LRRC75A: variants seen among roughly 807,000 people sequenced by gnomAD.
LRRC75A encodes leucine-rich repeat-containing protein 75A.
LRRC75A carries 12 observed loss-of-function variants against 26.0 expected under a neutral mutation model. That is an observed-to-expected ratio of 0.46 (90% CI 0.30 to 0.75). LRRC75A has a LOEUF of 0.75. LRRC75A is among the 30% of genes least tolerant of loss of function. The probability of loss-of-function intolerance (pLI) is 0.08; values close to 1 mark genes in which losing one functional copy is unlikely to be tolerated. For missense variants in LRRC75A, 410 were observed against 486.6 expected (o/e 0.84, Z 1.48); for synonymous variants, 223 against 219.3 (o/e 1.02, Z -0.15).
rs200369207 is a variant in LRRC75A, at chr17:16,450,440, G to GC, written c.376-2481dup. ...CAGTTCACAGCCCATCCCCACCCCT[G>GC]CCCCCAGCTTCCTGGTGCCTGGCTG... On this transcript the variant is annotated intron_variant, in intron 2 of 3. Coordinates refer to ENST00000470794, the MANE Select transcript of LRRC75A (RefSeq NM_001113567.3). Among the ~76,000 whole-genome samples, 1,011 of 152,028 alleles carry GC rather than the reference G, an allele frequency of 6.7e-3. 10 individuals are homozygous for GC. The highest frequency in any genetic ancestry group is 0.023 in the African/African-American group (954 of 41,478).
At chr17:16,476,442 C>T (rs893879752) in intron 1 of LRRC75A, among the ~76,000 whole-genome samples, 5 of 151,832 alleles carry the variant, frequency 3.3e-5, no homozygotes. Context: ...GAACTCCTGG[C>T]ATCAAGCAAT....
In LRRC75A at chr17:16,491,892, C is replaced by A; in HGVS notation, c.99G>T (p.Leu33=). The A allele has an allele frequency of 7.5e-7, 1 of 1,325,786 alleles. No homozygotes were observed. Among genetic ancestry groups the A allele is most frequent in the Non-Finnish European group, 9.6e-7 (1 of 1,037,840 alleles). 82.1% of individuals were successfully genotyped at this position (1,325,786 alleles called of 1,614,324 possible). A position where few individuals can be genotyped will look rare whatever the true frequency, so the allele number is the denominator to read the frequency against. Residue 33 remains leucine (L), a synonymous_variant, in exon 1 of 4, where the codon CTG becomes CTT. Coordinates refer to ENST00000470794, the MANE Select transcript of LRRC75A (RefSeq NM_001113567.3). This position sits in a 1 kb window ranked among gnomAD's most constrained non-coding sequence, Gnocchi z 5.9. The stretch of plus-strand genomic sequence containing the variant: ...CCGCCTTGTCCCCGGCGCGCAGCAG[C>A]AGCGACGCCCAGAAGTCCGGCCGTT... The part of the protein sequence containing the change: ...RRERPDFWAS[L]LLRAGDKAGR...
chr17:16,472,181 C>T (rs1009154026), intron 1 of LRRC75A, among the ~76,000 whole-genome samples: 2 of 152,078 alleles, frequency 1.3e-5, no homozygotes, highest in African/African-American at 4.8e-5. Flanking sequence ...TTCTGGACCA[C>T]AAGGAAGGTG....
intron 1 of LRRC75A, among the ~76,000 whole-genome samples, chr17:16,465,115 C>G (rs1301325018): frequency 6.6e-6 from 1 of 152,206 alleles, no homozygotes; most frequent in African/African-American, 2.4e-5. Context: ...CTTTTACACT[C>G]GGTCGAGCAG....
chr17:16,487,584 G>A (rs2143450212), intron 1 of LRRC75A, among the ~76,000 whole-genome samples: 1 of 152,302 alleles, frequency 6.6e-6, no homozygotes, highest in East Asian at 1.9e-4. Flanking sequence ...GACTACAGGT[G>A]CACACTACCA....
Position 16,447,842 on chromosome 17 carries a change from C to G in LRRC75A, c.491+3G>C. On this transcript the variant is annotated splice_donor_region_variant and intron_variant, in intron 3 of 3. Coordinates refer to ENST00000470794, the MANE Select transcript of LRRC75A (RefSeq NM_001113567.3). The stretch of plus-strand genomic sequence containing the variant: ...TAGACCTGCCCGGGGGAGTGTAACT[C>G]ACCAGGCCTGTGGCTTCCTTTTCAC... 1 of 1,540,302 alleles carries G rather than the reference C, an allele frequency of 6.5e-7. No homozygotes were observed. Among genetic ancestry groups the G allele is most frequent in the Non-Finnish European group, 8.8e-7 (1 of 1,141,094 alleles).
intron 2 of LRRC75A, among the ~76,000 whole-genome samples, chr17:16,452,023 A>C (rs2093636062): frequency 6.8e-6 from 1 of 147,890 alleles, no homozygotes. Context: ...GGCGTTAGCC[A>C]CCGCGCCCGG....
In LRRC75A at chr17:16,445,980, C is replaced by T. The variant is rs148625517; in HGVS notation, c.492-1849G>A. On this transcript the variant is annotated intron_variant, in intron 3 of 3. Coordinates refer to ENST00000470794, the MANE Select transcript of LRRC75A (RefSeq NM_001113567.3). Reference sequence around the variant, plus strand: ...CTGGAGTGCAGTGGCATGATCTTGGCTCACTGCAACTTCCGCCTCCCAGGT... The same window carrying T: ...CTGGAGTGCAGTGGCATGATCTTGGTTCACTGCAACTTCCGCCTCCCAGGT... Among the ~76,000 whole-genome samples the T allele has an allele frequency of 6.3e-3, 957 of 152,338 alleles. 8 individuals carry two copies. The highest frequency in any genetic ancestry group is 0.022 in the African/African-American group (914 of 41,562).
chr17:16,476,448 G>A (rs1006941100), intron 1 of LRRC75A, among the ~76,000 whole-genome samples: 1 of 151,916 alleles, frequency 6.6e-6, no homozygotes, highest in East Asian at 1.9e-4. Context: ...CTGGCATCAA[G>A]CAATCCTCCC....
Position 16,443,832 on chromosome 17 carries a change from G to A in LRRC75A, c.791C>T (p.Thr264Met), listed in dbSNP as rs747097406. ...CACGTTGTTGCCCAGGTCAATCCAC[G>A]TGACATTGGGGAACTTGCTGGGATC... ...LKDPSKFPNVTWIDLGNNVDI... is the reference protein window; with the variant it reads ...LKDPSKFPNVMWIDLGNNVDI... The change falls in exon 4 of 4, where the codon ACG becomes ATG. Residue 264 changes from threonine to methionine, a missense_variant. Coordinates refer to ENST00000470794, the MANE Select transcript of LRRC75A (RefSeq NM_001113567.3). 3.5e-5 allele frequency: 56 copies of A among 1,613,910 alleles called. No individual in the cohort carries two copies. The highest frequency in any genetic ancestry group is 4.1e-5 in the Non-Finnish European group (48 of 1,179,894).
At chr17:16,457,105 C>A (rs1366974761) in intron 2 of LRRC75A, among the ~76,000 whole-genome samples, 1 of 131,998 alleles carries the variant, frequency 7.6e-6, no homozygotes. Context: ...CTCTGGCTCT[C>A]AGCCATCAGG....
At chr17:16,458,939 T>C (rs903214807) in intron 2 of LRRC75A, among the ~76,000 whole-genome samples, 13 of 152,240 alleles carry the variant, frequency 8.5e-5, no homozygotes, top group African/African-American at 2.9e-4. Context: ...TAGTTTGCTA[T>C]ATGGCAATGG....
chr17:16,478,921 T>A (rs1359066744), intron 1 of LRRC75A, among the ~76,000 whole-genome samples: 3 of 152,200 alleles, frequency 2.0e-5, no homozygotes, highest in South Asian at 2.1e-4. Flanking sequence ...CTGGAGTGAC[T>A]AAGCCTGAAG....
chr17:16,457,478 G>C (rs1340004220), intron 2 of LRRC75A, among the ~76,000 whole-genome samples: 1 of 152,192 alleles, frequency 6.6e-6, no homozygotes, highest in Non-Finnish European at 1.5e-5. Context: ...ACGGATGGGG[G>C]AGTTTATTCT....
chr17:16,465,850 AG>A (rs1435838937), intron 1 of LRRC75A, among the ~76,000 whole-genome samples: 1 of 152,152 alleles, frequency 6.6e-6, no homozygotes, highest in African/African-American at 2.4e-5. Context: ...GGAGGGGAAA[AG>A]GAGTGTAGAG....
intron 1 of LRRC75A, among the ~76,000 whole-genome samples, chr17:16,465,938 C>T (rs1255876471): frequency 1.3e-5 from 2 of 152,208 alleles, no homozygotes; most frequent in African/African-American, 2.4e-5. Flanking sequence ...AACACCGGCC[C>T]GCCCTGTGAA....
At chr17:16,476,364 T>C (rs1166427869) in intron 1 of LRRC75A, among the ~76,000 whole-genome samples, 2 of 151,160 alleles carry the variant, frequency 1.3e-5, no homozygotes, top group South Asian at 2.1e-4. Flanking sequence ...TGAGACTCTG[T>C]CTCAAAAAAA....
chr17:16,456,084 AGGAGGAGGAGGAAGGGGAGGG>A lies in LRRC75A; in HGVS notation c.375+6153_375+6173del, dbSNP rs564109595. ...GAGAAGGAGGAAGAGGAAGAGGGAG[AGGAGGAGGAGGAAGGGGAGGG>A]GGAGGAGGAGGAGTAGCAGTAGTAG... On this transcript the variant is annotated intron_variant, in intron 2 of 3. Transcript: ENST00000470794. Among the ~76,000 whole-genome samples the A allele has an allele frequency of 3.1e-3, 365 of 116,964 alleles. 6 individuals carry two copies. The highest frequency in any genetic ancestry group is 0.012 in the African/African-American group (352 of 30,122). 76.7% of individuals were successfully genotyped at this position (116,964 alleles called of 152,430 possible).
chr17:16,488,748 C>T lies in LRRC75A; in HGVS notation c.246+2997G>A, dbSNP rs143852575. On this transcript the variant is annotated intron_variant, in intron 1 of 3. Coordinates refer to ENST00000470794, the MANE Select transcript of LRRC75A (RefSeq NM_001113567.3). ...AGGCAGCTGCCTGGCATCCTGCCTG[C>T]ACCCCTGGCCACAGCTCAGGGTCAT... is the stretch of plus-strand genomic sequence containing the variant. Among the ~76,000 whole-genome samples, 310 of 152,310 alleles carry T rather than the reference C, an allele frequency of 2.0e-3. 1 individual carries two copies. The highest frequency in any genetic ancestry group is 7.0e-3 in the African/African-American group (292 of 41,574).
Sources: allele counts gnomAD v4.1 joint callset (sites outside exome capture counted in the v4.1 genomes callset), GRCh38; gene constraint gnomAD v4.1.1; non-coding constraint Gnocchi (gnomAD v3.1); transcripts MANE v1.5; gene names NCBI Gene and HGNC (gene_info 2026-07-23, HGNC 2026-07-21).